The following CD2AP variants were observed in gnomAD, a reference collection of about 807,000 sequenced individuals.
CD2AP encodes CD2-associated protein.
Under a neutral mutation model 85.1 loss-of-function variants are expected in CD2AP, and 46 were observed. The observed-to-expected ratio is 0.54, with a 90% confidence interval of 0.43 to 0.69. The LOEUF (loss-of-function observed/expected upper bound fraction) is 0.69. CD2AP is among the 30% of genes least tolerant of loss of function. The probability of loss-of-function intolerance (pLI) is 0.00; values close to 1 mark genes in which losing one functional copy is unlikely to be tolerated. For missense variants in CD2AP, 769 were observed against 729.5 expected, an observed-to-expected ratio of 1.05 and a Z score of -0.62; for synonymous variants, 255 against 252.9, an observed-to-expected ratio of 1.01 and a Z score of -0.08.
Position 47,503,270 on chromosome 6 carries a change from C to T in CD2AP, c.5-10C>T, listed in dbSNP as rs530231846. The T allele has an allele frequency of 4.1e-5, 66 of 1,612,736 alleles. 1 individual carries two copies. The South Asian group carries it at 7.0e-4, about 17-fold the overall frequency. Reference sequence around the variant, plus strand: ...GATTTTAGACATTTCGTTTTTTCCCCCTTTTTTAGTTGACTATATTGTGGA... The same window carrying T: ...GATTTTAGACATTTCGTTTTTTCCCTCTTTTTTAGTTGACTATATTGTGGA... On this transcript the variant is annotated splice_polypyrimidine_tract_variant and intron_variant, in intron 1 of 17. Transcript: ENST00000359314.
At chr6:47,607,359 G>GT (rs1345944087) in intron 14 of CD2AP, among the ~76,000 whole-genome samples, 5 of 151,982 alleles carry the variant, frequency 3.3e-5, no homozygotes, top group African/African-American at 1.2e-4. Context: ...TCTATATTTA[G>GT]TTTTTTGAGG....
chr6:47,589,003 A>T (rs1053128144), intron 11 of CD2AP, among the ~76,000 whole-genome samples: 3 of 152,092 alleles, frequency 2.0e-5, no homozygotes, highest in African/African-American at 7.2e-5. Flanking sequence ...TGTCTGCTGA[A>T]GACTTTGAGA....
In CD2AP at chr6:47,624,346, A is replaced by C; in HGVS notation, c.*119A>C. On this transcript the variant is annotated 3_prime_UTR_variant, in exon 18 of 18. Coordinates refer to ENST00000359314, the MANE Select transcript of CD2AP (RefSeq NM_012120.3). ...TGTTGTGATAAATATGAGCAAATGA[A>C]GTGTAATATCTATAGAAAAGTAGAG... The C allele has an allele frequency of 1.3e-6, 1 of 788,512 alleles. No individual in the cohort carries two copies. Among genetic ancestry groups the C allele is most frequent in the African/African-American group, 1.7e-5 (1 of 58,852 alleles). 48.8% of individuals were successfully genotyped at this position (788,512 alleles called of 1,614,324 possible).
chr6:47,553,651 C>T (rs1562029097), intron 4 of CD2AP, among the ~76,000 whole-genome samples: 1 of 151,694 alleles, frequency 6.6e-6, no homozygotes, highest in South Asian at 2.1e-4. Context: ...TAGGCAAGAG[C>T]CAGTGAACCT....
intron 1 of CD2AP, among the ~76,000 whole-genome samples, chr6:47,492,492 A>G (rs778414858): frequency 4.6e-5 from 7 of 151,286 alleles, no homozygotes; most frequent in South Asian, 2.1e-4. Context: ...AGCTAGGACT[A>G]TAGGTGCTGC....
intron 11 of CD2AP, among the ~76,000 whole-genome samples, chr6:47,595,562 A>G (rs980138425): frequency 2.0e-5 from 3 of 152,056 alleles, no homozygotes; most frequent in African/African-American, 7.2e-5. Context: ...GAGATAGACT[A>G]CTACACTTAA....
intron 12 of CD2AP, among the ~76,000 whole-genome samples, chr6:47,596,229 T>G (rs1768943143): frequency 6.6e-6 from 1 of 152,136 alleles, no homozygotes; most frequent in African/African-American, 2.4e-5. Context: ...GTGGAATGGC[T>G]TCGGTAACTG....
chr6:47,596,566 G>A (rs997985580), intron 12 of CD2AP, among the ~76,000 whole-genome samples: 2 of 151,994 alleles, frequency 1.3e-5, no homozygotes, highest in African/African-American at 2.4e-5. Context: ...CTCCAGATTC[G>A]TCGATGATGT....
At chr6:47,576,204 G>T (rs1451573182) in intron 6 of CD2AP, among the ~76,000 whole-genome samples, 1 of 152,096 alleles carries the variant, frequency 6.6e-6, no homozygotes, top group Non-Finnish European at 1.5e-5. Flanking sequence ...GCCTCCCTAA[G>T]TGTTGGGATT....
At chr6:47,616,755 T>C (rs1769598746) in intron 17 of CD2AP, among the ~76,000 whole-genome samples, 1 of 152,192 alleles carries the variant, frequency 6.6e-6, no homozygotes, top group Non-Finnish European at 1.5e-5. Context: ...AAGTCTACTT[T>C]TGTGGTCTCT....
intron 1 of CD2AP, among the ~76,000 whole-genome samples, chr6:47,481,169 C>A (rs1010612863): frequency 7.2e-5 from 11 of 152,078 alleles, no homozygotes; most frequent in Non-Finnish European, 1.6e-4. Flanking sequence ...CACAAAGTGT[C>A]AGAGCATTTC....
intron 5 of CD2AP, among the ~76,000 whole-genome samples, chr6:47,571,304 A>G (rs1768145329): frequency 6.6e-6 from 1 of 152,182 alleles, no homozygotes; most frequent in Admixed American, 6.5e-5. Flanking sequence ...CCACCATACA[A>G]ACTTGAGAAC....
intron 13 of CD2AP, among the ~76,000 whole-genome samples, chr6:47,599,853 T>C (rs1204414191): frequency 1.3e-5 from 2 of 152,054 alleles, no homozygotes; most frequent in Non-Finnish European, 2.9e-5. Context: ...CCTCTTAATC[T>C]AGAGATACTT....
In CD2AP at chr6:47,609,308, A is replaced by G. The variant is rs755252225; in HGVS notation, c.1814+4A>G. The G allele has an allele frequency of 5.0e-6, 8 of 1,609,596 alleles. No individual in the cohort carries two copies. Among genetic ancestry groups the G allele is most frequent in the Non-Finnish European group, 6.0e-6 (7 of 1,176,464 alleles). On this transcript the variant is annotated splice_donor_region_variant and intron_variant, in intron 16 of 17. Coordinates refer to ENST00000359314, the MANE Select transcript of CD2AP (RefSeq NM_012120.3). The stretch of plus-strand genomic sequence containing the variant: ...AAGCACTGAAAAAGGATCACGGGTA[A>G]GTAGCCCTTCTTTTCTCCTGTGAGT...
rs1438444705 is a variant in CD2AP, at chr6:47,626,692, A to T, written c.*2465A>T. On this transcript the variant is annotated 3_prime_UTR_variant, in exon 18 of 18. Transcript: ENST00000359314. ...GAGAACAGGCCTTGTGTAACAGAAG[A>T]TACTCTTTTTTATGCTCCTTACTGT... is the stretch of plus-strand genomic sequence containing the variant. 1.3e-5 allele frequency: 2 copies of T among 152,458 alleles called. No individual in the cohort carries two copies. Among genetic ancestry groups the T allele is most frequent in the Non-Finnish European group, 2.9e-5 (2 of 67,882 alleles). The allele number at this position is 152,458 out of a possible 1,614,324, so 9.4% of individuals were successfully genotyped here.
chr6:47,582,087 CA>C, intron 11 of CD2AP, 22 bp downstream of exon 11: 1 of 1,381,876 alleles, frequency 7.2e-7, no homozygotes, highest in South Asian at 1.2e-5. Flanking sequence ...TTTCAACTTT[CA>C]AAAAAGCAAT....
intron 4 of CD2AP, among the ~76,000 whole-genome samples, chr6:47,550,616 G>A (rs1185961578): frequency 3.9e-5 from 6 of 152,128 alleles, no homozygotes; most frequent in Non-Finnish European, 7.4e-5. Context: ...AGCCACTATG[G>A]AAAACAGTGT....
chr6:47,533,560 A>G (rs1287594080), intron 2 of CD2AP, 42 bp from the exon 3 acceptor site: 1 of 1,586,520 alleles, frequency 6.3e-7, no homozygotes, highest in Non-Finnish European at 8.6e-7. Context: ...AATATAAAAA[A>G]TATAACTTAA....
rs189433213 is a variant in CD2AP at position 47,615,975 on chromosome 6, G to C, written c.1878+3439G>C. Among the ~76,000 whole-genome samples the C allele has an allele frequency of 3.6e-3, 542 of 151,280 alleles. 2 individuals carry two copies. Among genetic ancestry groups the C allele is most frequent in the African/African-American group, 0.012 (513 of 41,240 alleles). ...TATTTTTGTATTTTTAGTAGAGACG[G>C]GGTTTCACTGTGTTAGCCAGGGTGG... is the stretch of plus-strand genomic sequence containing the variant. On this transcript the variant is annotated intron_variant, in intron 17 of 17. Transcript: ENST00000359314.
Sources: gnomAD v4.1 joint callset for allele counts (sites outside exome capture counted in the v4.1 genomes callset) on GRCh38, gnomAD v4.1.1 for gene constraint, MANE v1.5 for transcripts, NCBI Gene and HGNC (gene_info 2026-07-23, HGNC 2026-07-21) for gene names.